Variants in GOLGA4 observed in about 807,000 individuals in gnomAD.
GOLGA4 encodes the protein golgin A4, also known as golgin subfamily A member 4.
GOLGA4 carries 169 observed loss-of-function variants against 265.9 expected under a neutral mutation model. That is an observed-to-expected ratio of 0.64 (90% confidence interval 0.56 to 0.72). The LOEUF is 0.72. GOLGA4 is among the 30% of genes least tolerant of loss of function. The pLI is 0.00. For synonymous variants in GOLGA4, 923 were observed against 855.8 expected (o/e 1.08, Z -1.37); for missense variants, 2,482 against 2,483.4 (o/e 1.00, Z 0.01).
At chr3:37,251,136 A>G (rs764964004) in intron 1 of GOLGA4, among the ~76,000 whole-genome samples, 12 of 152,224 alleles carry the variant, frequency 7.9e-5, no homozygotes, top group Non-Finnish European at 1.6e-4. Context: ...TATTTTATAT[A>G]TGGAGACACA....
chr3:37,333,390 A>T (rs1365073592), intron 16 of GOLGA4, among the ~76,000 whole-genome samples: 3 of 152,088 alleles, frequency 2.0e-5, no homozygotes, highest in South Asian at 2.1e-4. Flanking sequence ...CTTTTTTTTT[A>T]AATCTTAAAA....
chr3:37,273,317 T>C (rs550008292), intron 2 of GOLGA4, among the ~76,000 whole-genome samples: 42 of 152,330 alleles, frequency 2.8e-4, no homozygotes, highest in African/African-American at 1.0e-3. Context: ...TCTTTGCTAT[T>C]GAGTTCTGTG....
intron 16 of GOLGA4, among the ~76,000 whole-genome samples, chr3:37,330,663 G>A (rs1327164798): frequency 6.6e-6 from 1 of 152,144 alleles, no homozygotes; most frequent in African/African-American, 2.4e-5. Context: ...AGTGGAGGGT[G>A]GGCAAGGGAG....
rs139190575 is a variant in GOLGA4 at position 37,296,607 on chromosome 3, A to G, written c.814+388A>G. On this transcript the variant is annotated intron_variant, in intron 7 of 23. Coordinates refer to ENST00000361924, the MANE Select transcript of GOLGA4 (RefSeq NM_002078.5). Reference sequence around the variant, plus strand: ...TTAGTTTGAGATGGTGTCTCACTCTATTGCCTAGGCTGGAGTGCAGTAGCA... The same window carrying G: ...TTAGTTTGAGATGGTGTCTCACTCTGTTGCCTAGGCTGGAGTGCAGTAGCA... Among the ~76,000 whole-genome samples the G allele has an allele frequency of 5.2e-3, 784 of 152,130 alleles. 2 individuals are homozygous for G. The highest frequency in any genetic ancestry group is 0.017 in the African/African-American group (724 of 41,506).
At chr3:37,297,637 A>G (rs1356150709) in intron 7 of GOLGA4, among the ~76,000 whole-genome samples, 1 of 152,232 alleles carries the variant, frequency 6.6e-6, no homozygotes, top group Non-Finnish European at 1.5e-5. Context: ...AAGATTAAAC[A>G]ACTAATACTA....
chr3:37,363,386 G>A (rs1012823027), intron 23 of GOLGA4, among the ~76,000 whole-genome samples: 2 of 152,078 alleles, frequency 1.3e-5, no homozygotes, highest in African/African-American at 2.4e-5. Flanking sequence ...AATGTATATT[G>A]TGCAGCATTT....
intron 6 of GOLGA4, among the ~76,000 whole-genome samples, chr3:37,295,792 T>C (rs945230274): frequency 6.6e-6 from 1 of 152,228 alleles, no homozygotes; most frequent in Non-Finnish European, 1.5e-5. Flanking sequence ...GTAGTGAACA[T>C]GTAGACTTTT....
At chr3:37,362,236 TATTA>T (rs1462987103) in intron 23 of GOLGA4, among the ~76,000 whole-genome samples, 74 of 133,762 alleles carry the variant, frequency 5.5e-4, no homozygotes, top group African/African-American at 1.8e-3. Flanking sequence ...TTTATTTATT[TATTA>T]TTTTTTTTTT....
At position 37,366,108 on chromosome 3, in the gene GOLGA4, G is replaced by T; in HGVS notation, c.*62G>T. On this transcript the variant is annotated 3_prime_UTR_variant, in exon 24 of 24. Transcript: ENST00000361924. ...TGGCTCCGATCTTCATCTTGAAGAA[G>T]AGTGACATTGGGTGACTGCTGCTTG... is the stretch of plus-strand genomic sequence containing the variant. 23 of 1,523,540 alleles carry T rather than the reference G, an allele frequency of 1.5e-5. No individual in the cohort carries two copies. Among genetic ancestry groups the T allele is most frequent in the Non-Finnish European group, 2.0e-5 (23 of 1,139,166 alleles). 94.4% of individuals were successfully genotyped at this position (1,523,540 alleles called of 1,614,324 possible).
chr3:37,317,460 G>T (rs531543222), intron 11 of GOLGA4, among the ~76,000 whole-genome samples: 4 of 152,160 alleles, frequency 2.6e-5, no homozygotes, highest in African/African-American at 9.7e-5. Flanking sequence ...GTGAGCCACT[G>T]TGCCTGGCCT....
At chr3:37,275,818 G>A in intron 2 of GOLGA4, 1 of 1,613,734 alleles carries the variant, frequency 6.2e-7, no homozygotes, top group Non-Finnish European at 8.5e-7. Context: ...AATTACTGCA[G>A]TCCACAAGAA....
intron 10 of GOLGA4, among the ~76,000 whole-genome samples, chr3:37,307,350 C>T (rs2096909103): frequency 1.3e-5 from 2 of 152,114 alleles, no homozygotes; most frequent in African/African-American, 4.8e-5. Context: ...AATAGTTTAT[C>T]TGTTTAAATA....
chr3:37,343,453 G>T (rs1201831252), intron 20 of GOLGA4, among the ~76,000 whole-genome samples: 2 of 151,454 alleles, frequency 1.3e-5, no homozygotes, highest in African/African-American at 2.4e-5. Flanking sequence ...CTGAACTCAG[G>T]TATCTGCCCA....
In GOLGA4 at chr3:37,324,694, C is replaced by T; in HGVS notation, c.2808C>T (p.Asp936=). ...CACAGAAATTGTCAGCCAAGGAGGA[C>T]AGTATTCATATTTTGAATGAGGAAT... is the stretch of plus-strand genomic sequence containing the variant. ...ILTQKLSAKE[D]SIHILNEEYE... The change falls in exon 14 of 24, where the codon GAC becomes GAT. Residue 936 remains aspartate (D), a synonymous_variant. Coordinates refer to ENST00000361924, the MANE Select transcript of GOLGA4 (RefSeq NM_002078.5). The T allele has an allele frequency of 6.2e-7, 1 of 1,608,146 alleles. No individual in the cohort carries two copies. The highest frequency in any genetic ancestry group is 8.5e-7 in the Non-Finnish European group (1 of 1,178,194).
intron 2 of GOLGA4, among the ~76,000 whole-genome samples, chr3:37,259,280 C>G (rs1049384085): frequency 6.6e-6 from 1 of 152,144 alleles, no homozygotes. Context: ...CCTGAGCCTA[C>G]CTGTATATCT....
chr3:37,246,409 G>C (rs1007396090), intron 1 of GOLGA4, among the ~76,000 whole-genome samples: 1 of 152,030 alleles, frequency 6.6e-6, no homozygotes. Context: ...AAGTAATACA[G>C]ACATTGTAAT....
rs896880261 is a variant in GOLGA4 at position 37,329,379 on chromosome 3, C to T, written c.6192+286C>T. On this transcript the variant is annotated intron_variant, in intron 16 of 23. Coordinates refer to ENST00000361924, the MANE Select transcript of GOLGA4 (RefSeq NM_002078.5). ...AAAGGAAGAATAGATTCTTTCCCAT[C>T]TGCCTCACAGATTCTGACTGAACTG... 6 of 188,480 alleles carry T rather than the reference C, an allele frequency of 3.2e-5. No individual in the cohort carries two copies. In the Admixed American group the frequency reaches 3.7e-4, roughly 12 times the overall value. 11.7% of individuals were successfully genotyped at this position (188,480 alleles called of 1,614,324 possible).
At chr3:37,260,516 A>G (rs1048439520) in intron 2 of GOLGA4, among the ~76,000 whole-genome samples, 1 of 152,092 alleles carries the variant, frequency 6.6e-6, no homozygotes, top group African/African-American at 2.4e-5. Flanking sequence ...GGCACCTGTA[A>G]TCCCAGCTAC....
chr3:37,293,044 A>G (rs2096869047), intron 5 of GOLGA4, among the ~76,000 whole-genome samples: 1 of 152,252 alleles, frequency 6.6e-6, no homozygotes, highest in South Asian at 2.1e-4. Flanking sequence ...TAAGTTTGAA[A>G]CAATGTAAGA....
Sources: allele counts gnomAD v4.1 joint callset (sites outside exome capture counted in the v4.1 genomes callset), GRCh38; gene constraint gnomAD v4.1.1; transcripts MANE v1.5; gene names NCBI Gene and HGNC (gene_info 2026-07-23, HGNC 2026-07-21).